The following AKAP13 variants were observed in gnomAD, a reference collection of about 807,000 sequenced individuals.
AKAP13 encodes the protein A-kinase anchoring protein 13.
A neutral mutation model predicts 264.5 loss-of-function variants in AKAP13; 80 were observed. That is an observed-to-expected ratio of 0.30 (90% CI 0.25 to 0.36). The LOEUF (loss-of-function observed/expected upper bound fraction) is 0.36, where lower values mean the gene tolerates loss of function less well. Among genes scored for constraint, AKAP13 ranks in the 10% least tolerant of loss-of-function variants. The pLI is 1.00. For synonymous variants in AKAP13, 1,380 were observed against 1,250.2 expected (o/e 1.10, Z -2.19); for missense variants, 3,712 against 3,435.2 (o/e 1.08, Z -2.01).
At chr15:85,593,619 T>A (rs570436141) in intron 8 of AKAP13, among the ~76,000 whole-genome samples, 1 of 152,102 alleles carries the variant, frequency 6.6e-6, no homozygotes, top group South Asian at 2.1e-4. Flanking sequence ...GGTGTTTTGT[T>A]CTGGGATATT....
intron 1 of AKAP13, among the ~76,000 whole-genome samples, chr15:85,440,059 A>G (rs1191108291): frequency 6.6e-6 from 1 of 152,144 alleles, no homozygotes; most frequent in Admixed American, 6.6e-5. Flanking sequence ...TAAAGGAAAA[A>G]GAACACCTAA....
intron 3 of AKAP13, among the ~76,000 whole-genome samples, chr15:85,521,793 C>A (rs1406563257): frequency 6.6e-6 from 1 of 152,086 alleles, no homozygotes; most frequent in Non-Finnish European, 1.5e-5. Context: ...GTTATGTCGG[C>A]CACCTACCAA....
intron 8 of AKAP13, among the ~76,000 whole-genome samples, chr15:85,600,811 C>T (rs1358683388): frequency 4.2e-5 from 6 of 142,892 alleles, no homozygotes; most frequent in Admixed American, 1.4e-4. Context: ...TCTTCTGCCA[C>T]GTTTTTACCT....
At chr15:85,556,066 A>G (rs969228352) in intron 5 of AKAP13, among the ~76,000 whole-genome samples, 1 of 152,190 alleles carries the variant, frequency 6.6e-6, no homozygotes, top group Non-Finnish European at 1.5e-5. Flanking sequence ...AAGGAGGCAC[A>G]TAAGTTTTAG....
At chr15:85,433,814 G>C (rs1013836986) in intron 1 of AKAP13, among the ~76,000 whole-genome samples, 3 of 152,058 alleles carry the variant, frequency 2.0e-5, no homozygotes, top group African/African-American at 7.2e-5. Context: ...GGTGGCGCGT[G>C]CCTGTAATCC....
intron 12 of AKAP13, among the ~76,000 whole-genome samples, chr15:85,662,949 G>A (rs1943359581): frequency 6.6e-6 from 1 of 152,116 alleles, no homozygotes; most frequent in South Asian, 2.1e-4. Context: ...GCATAGATCT[G>A]GTTTTCTTAG....
rs542762673 is a variant in AKAP13 at position 85,387,209 on chromosome 15, G to A, written c.-12+6411G>A. Reference sequence around the variant, plus strand: ...AAAATAGCTGGGCGTGGTGGTGGGCGCCTGTAATCCCAGCTACTTGGGAGG... The same window carrying A: ...AAAATAGCTGGGCGTGGTGGTGGGCACCTGTAATCCCAGCTACTTGGGAGG... On this transcript the variant is annotated intron_variant, in intron 1 of 36. Transcript: ENST00000394518. 1.1e-4 allele frequency among the ~76,000 whole-genome samples: 17 copies of A among 152,114 alleles called. No individual in the cohort carries two copies. The East Asian group carries it at 1.5e-3, about 14-fold the overall frequency.
At chr15:85,680,111 T>C (rs2084505623) in intron 14 of AKAP13, among the ~76,000 whole-genome samples, 1 of 152,210 alleles carries the variant, frequency 6.6e-6, no homozygotes, top group East Asian at 1.9e-4. Context: ...GGCCCTGCTT[T>C]GTGTTGGTTG....
rs531612056 is a variant in AKAP13, at chr15:85,615,968, CAAAG to C, written c.4162-23403_4162-23400del. 3.3e-5 allele frequency among the ~76,000 whole-genome samples: 5 copies of C among 152,248 alleles called. No homozygotes were observed. The South Asian group carries it at 8.3e-4, about 25-fold the overall frequency. On this transcript the variant is annotated intron_variant, in intron 8 of 36. Transcript: ENST00000394518. ...TGAGATAATGGCACACCTAGGAAGA[CAAAG>C]AACCCTTGATTTTCACTTAGTACCT...
chr15:85,689,678 G>C (rs930580781), intron 16 of AKAP13, among the ~76,000 whole-genome samples: 1 of 152,188 alleles, frequency 6.6e-6, no homozygotes, highest in Non-Finnish European at 1.5e-5. Flanking sequence ...TTTAAAATAG[G>C]TAAGATGTGT....
intron 1 of AKAP13, among the ~76,000 whole-genome samples, chr15:85,450,930 C>T (rs2074064717): frequency 6.6e-6 from 1 of 152,068 alleles, no homozygotes; most frequent in African/African-American, 2.4e-5. Flanking sequence ...CTGGCTCAGT[C>T]TGTCTAATAC....
intron 1 of AKAP13, among the ~76,000 whole-genome samples, chr15:85,473,154 A>C (rs994975714): frequency 6.6e-6 from 1 of 152,208 alleles, no homozygotes; most frequent in African/African-American, 2.4e-5. Flanking sequence ...ACAGTCAAAA[A>C]GTAAATTAAT....
chr15:85,481,924 A>G (rs1447345505), intron 1 of AKAP13, among the ~76,000 whole-genome samples: 1 of 152,118 alleles, frequency 6.6e-6, no homozygotes, highest in Non-Finnish European at 1.5e-5. Context: ...GATGGGCATG[A>G]TGTGTTTCTT....
At chr15:85,468,403 G>A (rs1397931130) in intron 1 of AKAP13, among the ~76,000 whole-genome samples, 3 of 152,192 alleles carry the variant, frequency 2.0e-5, no homozygotes, top group Non-Finnish European at 4.4e-5. Flanking sequence ...ATCTCTAGTA[G>A]CAGATGAGAG....
chr15:85,548,071 G>A (rs140068699), intron 5 of AKAP13, among the ~76,000 whole-genome samples: 2 of 152,294 alleles, frequency 1.3e-5, no homozygotes, highest in East Asian at 3.9e-4. Flanking sequence ...GATGTTATTG[G>A]ATCTGGCTGA....
intron 8 of AKAP13, among the ~76,000 whole-genome samples, chr15:85,600,972 C>G (rs1445518411): frequency 3.3e-5 from 5 of 152,304 alleles, no homozygotes; most frequent in East Asian, 3.9e-4. Flanking sequence ...GGAGGTAAAG[C>G]CTTACGTGCC....
intron 18 of AKAP13, among the ~76,000 whole-genome samples, chr15:85,710,290 AT>A (rs1464011946): frequency 2.0e-5 from 3 of 152,170 alleles, no homozygotes; most frequent in South Asian, 4.1e-4. Flanking sequence ...GAAGCTATAG[AT>A]GGCTTTACCA....
chr15:85,730,973 CTG>C (rs935163294), intron 30 of AKAP13, among the ~76,000 whole-genome samples: 1 of 137,552 alleles, frequency 7.3e-6, no homozygotes, highest in African/African-American at 2.7e-5. Context: ...GTTATTCTGA[CTG>C]TTTTTTAATT....
chr15:85,639,898 A>G (rs924706684), intron 9 of AKAP13, among the ~76,000 whole-genome samples: 1 of 152,122 alleles, frequency 6.6e-6, no homozygotes, highest in Admixed American at 6.5e-5. Flanking sequence ...AAATCTTTAT[A>G]AGCTCCTTTG....
Sources: allele counts gnomAD v4.1 joint callset (sites outside exome capture counted in the v4.1 genomes callset), GRCh38; gene constraint gnomAD v4.1.1; transcripts MANE v1.5; gene names NCBI Gene and HGNC (gene_info 2026-07-23, HGNC 2026-07-21).